SIDT1: variants seen among roughly 807,000 people sequenced by gnomAD.
SIDT1 encodes the protein SID1 transmembrane family member 1, also known as SID1 transmembrane family, member 1.
Under a neutral mutation model 107.5 loss-of-function variants are expected in SIDT1, and 101 were observed. The ratio of observed to expected loss-of-function variants is 0.94; its 90% confidence interval spans 0.80 to 1.11. SIDT1 has a LOEUF of 1.11. SIDT1 is among the 50% of genes least tolerant of loss of function. SIDT1 has a pLI of 0.00. For synonymous variants in SIDT1, 395 were observed against 398.2 expected (o/e 0.99, Z 0.10); for missense variants, 1,076 against 1,058.2 (o/e 1.02, Z -0.23).
chr3:113,567,859 C>G, intron 3 of SIDT1, 149 bp downstream of exon 3: 1 of 749,078 alleles, frequency 1.3e-6, no homozygotes, highest in South Asian at 1.8e-5. Flanking sequence ...CTGCCCATAA[C>G]TGAGCAGCAG....
At chr3:113,542,289 T>A (rs955629427) in intron 1 of SIDT1, among the ~76,000 whole-genome samples, 1 of 152,192 alleles carries the variant, frequency 6.6e-6, no homozygotes, top group African/African-American at 2.4e-5. Flanking sequence ...TAATTTTTTA[T>A]GTCTGAAAAT....
chr3:113,604,063 C>G, intron 13 of SIDT1, 30 bp downstream of exon 13: 1 of 1,453,030 alleles, frequency 6.9e-7, no homozygotes, highest in Non-Finnish European at 9.4e-7. Flanking sequence ...GACCATGGTT[C>G]CCTTAAATAA....
Position 113,612,213 on chromosome 3 carries a change from C to A in SIDT1, c.1966+19C>A. 1 of 1,499,154 alleles carries A rather than the reference C, an allele frequency of 6.7e-7. No individual in the cohort carries two copies. The highest frequency in any genetic ancestry group is 9.3e-7 in the Non-Finnish European group (1 of 1,075,568). 92.9% of individuals were successfully genotyped at this position (1,499,154 alleles called of 1,614,324 possible). ...AAGATAGGTGAGTCACCTGTTAATT[C>A]TATACTAATCACACGAATCAACTTT... On this transcript the variant is annotated intron_variant, in intron 19 of 24. Transcript: ENST00000264852.
At chr3:113,577,102 A>T (rs1942965381) in intron 4 of SIDT1, 135 bp downstream of exon 4, 1 of 784,058 alleles carries the variant, frequency 1.3e-6, no homozygotes, top group Non-Finnish European at 2.2e-6. Flanking sequence ...GTATATTTGT[A>T]TTCCACTTTA....
At chr3:113,555,360 A>G (rs1940729613) in intron 1 of SIDT1, among the ~76,000 whole-genome samples, 1 of 152,234 alleles carries the variant, frequency 6.6e-6, no homozygotes, top group Admixed American at 6.5e-5. Flanking sequence ...CAAAGAGAAG[A>G]GTGCTATGTC....
chr3:113,541,463 C>T (rs1245269800), intron 1 of SIDT1, among the ~76,000 whole-genome samples: 1 of 152,224 alleles, frequency 6.6e-6, no homozygotes, highest in Non-Finnish European at 1.5e-5. Context: ...AGCCTCCGGG[C>T]CCGGCCAGTA....
At chr3:113,618,435 A>C (rs1206133695) in intron 20 of SIDT1, among the ~76,000 whole-genome samples, 1 of 152,184 alleles carries the variant, frequency 6.6e-6, no homozygotes, top group Non-Finnish European at 1.5e-5. Context: ...CCTTTTGTTA[A>C]ATATCAAAGG....
Position 113,628,251 on chromosome 3 carries a change from A to T in SIDT1, c.*543A>T, listed in dbSNP as rs577008118. On this transcript the variant is annotated 3_prime_UTR_variant, in exon 25 of 25. Coordinates refer to ENST00000264852, the MANE Select transcript of SIDT1 (RefSeq NM_017699.3). ...CTACTGGGATAGATGTTTTAATGGC[A>T]CCAGCTAGTCACCTCCCAGAAGAAA... 6.5e-6 allele frequency: 1 copy of T among 153,240 alleles called. No homozygotes were observed. The highest frequency in any genetic ancestry group is 2.4e-5 in the African/African-American group (1 of 41,558). The allele number at this position is 153,240 out of a possible 1,614,324, so 9.5% of individuals were successfully genotyped here.
intron 1 of SIDT1, among the ~76,000 whole-genome samples, chr3:113,539,345 C>T (rs778597658): frequency 6.6e-6 from 1 of 152,184 alleles, no homozygotes; most frequent in Admixed American, 6.5e-5. Flanking sequence ...TCTGGTAAAA[C>T]TCAAGTGCTC....
intron 10 of SIDT1, among the ~76,000 whole-genome samples, chr3:113,597,590 T>A (rs115587301): frequency 2.7e-3 from 402 of 150,702 alleles, no homozygotes; most frequent in African/African-American, 9.2e-3. Context: ...TTCAGAGACA[T>A]AATGGGACAA....
In SIDT1 at chr3:113,627,984, G is replaced by T. The variant is rs887067552; in HGVS notation, c.*276G>T. 12 of 441,576 alleles carry T rather than the reference G, an allele frequency of 2.7e-5. No homozygotes were observed. The Admixed American group carries it at 4.2e-4, about 15-fold the overall frequency. 27.4% of individuals were successfully genotyped at this position (441,576 alleles called of 1,614,324 possible). On this transcript the variant is annotated 3_prime_UTR_variant, in exon 25 of 25. Transcript: ENST00000264852. ...AGCTTTGGGAGTGCAACAGGGATAGGCACTGCATCCAAGTCAACTCACCAT... is the reference window on the plus strand; with the variant it reads ...AGCTTTGGGAGTGCAACAGGGATAGTCACTGCATCCAAGTCAACTCACCAT...
rs1943325155 is a variant in SIDT1, at chr3:113,581,372, T to A, written c.675T>A (p.Tyr225Ter). Residue 225 changes from tyrosine to a stop codon, truncating the protein, a stop_gained, in exon 6 of 25, where the codon TAT becomes TAA. Coordinates refer to ENST00000264852, the MANE Select transcript of SIDT1 (RefSeq NM_017699.3). LOFTEE classifies it high-confidence loss of function. ...VSVQNIMCPV[Y>*]DLDHNVEFNG... ...CATGCATGCTGCAGTGCCCGGTGTA[T>A]GATCTCGACCACAATGTGGAATTTA... 6.2e-7 allele frequency: 1 copy of A among 1,613,276 alleles called. No homozygotes were observed.
intron 1 of SIDT1, among the ~76,000 whole-genome samples, chr3:113,555,262 C>A (rs1000830970): frequency 3.3e-5 from 5 of 152,170 alleles, no homozygotes; most frequent in African/African-American, 1.2e-4. Context: ...AATATTCCCC[C>A]CAAAATCTAT....
intron 10 of SIDT1, among the ~76,000 whole-genome samples, chr3:113,596,071 T>C (rs2107623586): frequency 6.6e-6 from 1 of 152,312 alleles, no homozygotes; most frequent in East Asian, 1.9e-4. Context: ...CACAGGAAGT[T>C]CGATGGAGCT....
chr3:113,557,345 G>A (rs1027525681), intron 1 of SIDT1, among the ~76,000 whole-genome samples: 1 of 152,192 alleles, frequency 6.6e-6, no homozygotes, highest in Non-Finnish European at 1.5e-5. Context: ...AAAAATATAT[G>A]TTGAGGTCCT....
chr3:113,553,585 C>G (rs1489276782), intron 1 of SIDT1, among the ~76,000 whole-genome samples: 1 of 151,962 alleles, frequency 6.6e-6, no homozygotes, highest in African/African-American at 2.4e-5. Context: ...TGAGACCTAG[C>G]AAGAGATAGA....
chr3:113,611,996 T>C, intron 18 of SIDT1, 90 bp from the exon 19 acceptor site: 1 of 897,900 alleles, frequency 1.1e-6, no homozygotes, highest in Non-Finnish European at 1.8e-6. Context: ...CAGCTGTTTT[T>C]GACTCCTTAC....
intron 1 of SIDT1, among the ~76,000 whole-genome samples, chr3:113,541,814 T>C (rs1473626035): frequency 1.3e-5 from 2 of 152,132 alleles, no homozygotes; most frequent in African/African-American, 4.8e-5. Context: ...ATAAAATTTT[T>C]TTCCTTCCCT....
intron 14 of SIDT1, among the ~76,000 whole-genome samples, chr3:113,605,842 A>G (rs1229338928): frequency 2.0e-5 from 3 of 151,996 alleles, no homozygotes; most frequent in Non-Finnish European, 4.4e-5. Flanking sequence ...TGACTCTACC[A>G]AAAATACAAA....
Sources: gnomAD v4.1 joint callset for allele counts (sites outside exome capture counted in the v4.1 genomes callset) on GRCh38, gnomAD v4.1.1 for gene constraint, MANE v1.5 for transcripts, NCBI Gene and HGNC (gene_info 2026-07-23, HGNC 2026-07-21) for gene names.